The following PHF2 variants were observed in gnomAD, a reference collection of about 807,000 sequenced individuals.
PHF2 encodes lysine-specific demethylase PHF2.
PHF2 carries 27 observed loss-of-function variants against 120.5 expected under a neutral mutation model. That is an observed-to-expected ratio of 0.22 (90% CI 0.17 to 0.31). PHF2 has a LOEUF of 0.31. Ranked by LOEUF, PHF2 falls within the 10% of genes least tolerant of loss-of-function variation. The pLI is 1.00. For missense variants in PHF2, 1,024 were observed against 1,434.8 expected (o/e 0.71, Z 4.63); for synonymous variants, 568 against 592.5 (o/e 0.96, Z 0.60).
chr9:93,641,638 T>G (rs143481643), intron 3 of PHF2, among the ~76,000 whole-genome samples: 1 of 152,242 alleles, frequency 6.6e-6, no homozygotes, highest in Non-Finnish European at 1.5e-5. Context: ...CTTAAATTCA[T>G]TGGGTTATCT....
chr9:93,604,628 C>G (rs1587675282), intron 1 of PHF2, among the ~76,000 whole-genome samples: 1 of 151,746 alleles, frequency 6.6e-6, no homozygotes, highest in East Asian at 2.0e-4. Flanking sequence ...CCACACCCGG[C>G]TAATTTTTTG....
At chr9:93,670,907 G>T in intron 17 of PHF2, 1 of 804,790 alleles carries the variant, frequency 1.2e-6, no homozygotes, top group Non-Finnish European at 1.5e-6. Flanking sequence ...GGTGCAGACA[G>T]GGCAAAGAGA....
intron 1 of PHF2, among the ~76,000 whole-genome samples, chr9:93,613,078 G>A (rs920163805): frequency 6.6e-6 from 1 of 152,228 alleles, no homozygotes; most frequent in Non-Finnish European, 1.5e-5. Context: ...GATGTGCCTG[G>A]CAAAGCACTT....
rs565070516 is a variant in PHF2, at chr9:93,650,053, C to T, written c.602+841C>T. 7.3e-5 allele frequency among the ~76,000 whole-genome samples: 11 copies of T among 150,984 alleles called. No individual in the cohort carries two copies. The East Asian group carries it at 1.2e-3, about 16-fold the overall frequency. On this transcript the variant is annotated intron_variant, in intron 5 of 21. Transcript: ENST00000359246. ...AACACACGACACATTCACAACACAC[C>T]GACACTCACCCATGGACGTACTCAT... is the stretch of plus-strand genomic sequence containing the variant.
chr9:93,640,694 A>G (rs1245859179), intron 3 of PHF2, among the ~76,000 whole-genome samples: 1 of 152,174 alleles, frequency 6.6e-6, no homozygotes, highest in Admixed American at 6.5e-5. Flanking sequence ...AATCTGTGCT[A>G]TGTCTGAGTC....
chr9:93,665,045 G>A (rs1247209842), intron 14 of PHF2, among the ~76,000 whole-genome samples: 1 of 152,236 alleles, frequency 6.6e-6, no homozygotes, highest in Non-Finnish European at 1.5e-5. Flanking sequence ...AAACCCCTGG[G>A]AAGGCAAAGG....
At chr9:93,642,249 A>T (rs1257807256) in intron 3 of PHF2, among the ~76,000 whole-genome samples, 1 of 152,244 alleles carries the variant, frequency 6.6e-6, no homozygotes, top group African/African-American at 2.4e-5. Flanking sequence ...TGTTTTGGTC[A>T]TCTGAGTGCT....
At chr9:93,625,468 CTTTTTTTTTT>C (rs905164226) in intron 1 of PHF2, among the ~76,000 whole-genome samples, 19 of 94,714 alleles carry the variant, frequency 2.0e-4, no homozygotes, top group Admixed American at 6.1e-4. Flanking sequence ...GTTTGAGTAC[CTTTTTTTTTT>C]TTTTTTTTTT....
At chr9:93,660,759 T>C (rs1233246554) in intron 12 of PHF2, among the ~76,000 whole-genome samples, 199 bp downstream of exon 12, 1 of 152,192 alleles carries the variant, frequency 6.6e-6, no homozygotes, top group Non-Finnish European at 1.5e-5. Context: ...GACCCAGTCC[T>C]GCAGCATCCA....
intron 3 of PHF2, among the ~76,000 whole-genome samples, chr9:93,637,268 GT>G (rs1564390212): frequency 6.6e-6 from 1 of 152,110 alleles, no homozygotes. Flanking sequence ...TGGGTAAGGT[GT>G]TTTTTTCCTG....
At chr9:93,600,191 T>C (rs1388368901) in intron 1 of PHF2, among the ~76,000 whole-genome samples, 3 of 149,506 alleles carry the variant, frequency 2.0e-5, no homozygotes, top group Non-Finnish European at 4.5e-5. Flanking sequence ...CTGTAGCATA[T>C]GTGCATGTGT....
intron 16 of PHF2, among the ~76,000 whole-genome samples, chr9:93,666,865 A>G (rs1386937291): frequency 6.6e-6 from 1 of 152,178 alleles, no homozygotes; most frequent in Non-Finnish European, 1.5e-5. Flanking sequence ...CGGAGCTTGC[A>G]GTGAGCCAAG....
intron 1 of PHF2, among the ~76,000 whole-genome samples, chr9:93,602,673 T>C (rs143404055): frequency 1.3e-5 from 2 of 152,254 alleles, no homozygotes; most frequent in African/African-American, 4.8e-5. Flanking sequence ...GTCCTAGCTG[T>C]ATGGACATCT....
chr9:93,581,562 G>C (rs1862930652), intron 1 of PHF2, among the ~76,000 whole-genome samples: 1 of 152,210 alleles, frequency 6.6e-6, no homozygotes, highest in Non-Finnish European at 1.5e-5. Context: ...GGGTAAAGTA[G>C]ACATCCCTCT....
intron 2 of PHF2, among the ~76,000 whole-genome samples, chr9:93,634,207 C>A (rs911474276): frequency 6.6e-6 from 1 of 152,128 alleles, no homozygotes; most frequent in Non-Finnish European, 1.5e-5. Context: ...ACTTTGTGAA[C>A]TCTGGAGCCC....
intron 10 of PHF2, 101 bp from the exon 11 acceptor site, chr9:93,659,410 C>T (rs931097166): frequency 2.2e-6 from 2 of 926,224 alleles, no homozygotes; most frequent in Non-Finnish European, 3.4e-6. Context: ...TCATGCTCAT[C>T]TGAGTGGCTC....
intron 3 of PHF2, among the ~76,000 whole-genome samples, chr9:93,643,824 G>A (rs1298488911): frequency 6.6e-6 from 1 of 151,998 alleles, no homozygotes; most frequent in African/African-American, 2.4e-5. Context: ...TCCACCGTGG[G>A]CCCTCTGTAA....
At chr9:93,643,872 C>T (rs922051396) in intron 3 of PHF2, among the ~76,000 whole-genome samples, 2 of 152,266 alleles carry the variant, frequency 1.3e-5, no homozygotes, top group Non-Finnish European at 2.9e-5. Context: ...ACAACAGTCT[C>T]CTGGCCGTCC....
intron 1 of PHF2, among the ~76,000 whole-genome samples, chr9:93,578,024 C>G (rs7025752): frequency 6.6e-6 from 1 of 152,178 alleles, no homozygotes; most frequent in Non-Finnish European, 1.5e-5. Context: ...CGGGATTCTC[C>G]TTCCAGAGAG....
Sources: allele counts gnomAD v4.1 joint callset (sites outside exome capture counted in the v4.1 genomes callset), GRCh38; gene constraint gnomAD v4.1.1; transcripts MANE v1.5; gene names NCBI Gene and HGNC (gene_info 2026-07-23, HGNC 2026-07-21).